Variants in EIF4E observed in about 807,000 individuals in gnomAD.
EIF4E encodes eIF-4F 25 kDa subunit.
For synonymous variants in EIF4E, 71 were observed against 88.5 expected (o/e 0.80, Z 1.11); for missense variants, 113 against 265.6 (o/e 0.43, Z 3.99).
intron 2 of EIF4E, among the ~76,000 whole-genome samples, chr4:98,900,306 T>G (rs1724592449): frequency 6.6e-6 from 1 of 152,190 alleles, no homozygotes; most frequent in Non-Finnish European, 1.5e-5. Flanking sequence ...TGACCTCTGA[T>G]GTCCCACTAG....
At chr4:98,916,252 T>C (rs1211627953) in intron 1 of EIF4E, among the ~76,000 whole-genome samples, 1 of 127,318 alleles carries the variant, frequency 7.9e-6, no homozygotes, top group Non-Finnish European at 1.6e-5. Flanking sequence ...TATATAACAA[T>C]TACAGGAAGC....
intron 1 of EIF4E, among the ~76,000 whole-genome samples, chr4:98,920,280 T>C (rs1178321251): frequency 1.3e-5 from 2 of 152,180 alleles, no homozygotes; most frequent in Non-Finnish European, 2.9e-5. Flanking sequence ...GCATTTTATG[T>C]AATACATGTT....
intron 1 of EIF4E, 109 bp downstream of exon 1, chr4:98,928,986 C>T (rs1216551837): frequency 7.0e-6 from 11 of 1,572,254 alleles, no homozygotes; most frequent in South Asian, 5.8e-5. Context: ...GGGGAAGGGG[C>T]GGCAAGGGGT....
At chr4:98,928,929 C>T in intron 1 of EIF4E, 166 bp downstream of exon 1, 1 of 1,574,524 alleles carries the variant, frequency 6.4e-7, no homozygotes, top group South Asian at 1.2e-5. Flanking sequence ...CTCGGCCATC[C>T]TCCGGGACGT....
At chr4:98,883,393 AT>A (rs11408890) in intron 6 of EIF4E, among the ~76,000 whole-genome samples, 4 of 103,872 alleles carry the variant, frequency 3.9e-5, no homozygotes, top group African/African-American at 7.1e-5. Flanking sequence ...TGTAAGTCAA[AT>A]TTTTTTTTTT....
chr4:98,925,633 C>G (rs1348599125), intron 1 of EIF4E, among the ~76,000 whole-genome samples: 1 of 152,124 alleles, frequency 6.6e-6, no homozygotes, highest in African/African-American at 2.4e-5. Context: ...GAAAACCACA[C>G]AATAATATCA....
intron 1 of EIF4E, among the ~76,000 whole-genome samples, chr4:98,919,106 A>T (rs1170409571): frequency 6.6e-6 from 1 of 152,146 alleles, no homozygotes; most frequent in African/African-American, 2.4e-5. Context: ...CAAGAGATCA[A>T]GACCATCCTA....
At chr4:98,897,937 T>C (rs1192654894) in intron 2 of EIF4E, among the ~76,000 whole-genome samples, 1 of 152,212 alleles carries the variant, frequency 6.6e-6, no homozygotes, top group Non-Finnish European at 1.5e-5. Context: ...AAATAAGCAG[T>C]GTATGATGTT....
At chr4:98,881,428 T>A (rs1024319694) in intron 6 of EIF4E, among the ~76,000 whole-genome samples, 1 of 143,394 alleles carries the variant, frequency 7.0e-6, no homozygotes. Flanking sequence ...TATGATACTA[T>A]AATTATTACT....
At position 98,928,656 on chromosome 4, in the gene EIF4E, A is replaced by G. The variant is rs1284680426; in HGVS notation, c.18+439T>C. On this transcript the variant is annotated intron_variant, in intron 1 of 6. Coordinates refer to ENST00000450253, the MANE Select transcript of EIF4E (RefSeq NM_001968.5). ...CGGAGCTGGGGTTCTGCAGGGAGGG[A>G]AAGGCTGCTCCAGGGCTCCCTCCTC... 2.6e-5 allele frequency among the ~76,000 whole-genome samples: 4 copies of G among 151,708 alleles called. No homozygotes were observed. In the East Asian group the frequency reaches 7.8e-4, roughly 30 times the overall value.
chr4:98,903,564 A>G, intron 1 of EIF4E: 6 of 437,898 alleles, frequency 1.4e-5, no homozygotes, highest in Non-Finnish European at 2.3e-5. Context: ...GGCTGGTCTC[A>G]AACTCCTGAG....
At position 98,891,226 on chromosome 4, in the gene EIF4E, T is replaced by C. The variant is rs1724128977; in HGVS notation, c.221+11A>G. 3.1e-6 allele frequency: 5 copies of C among 1,613,562 alleles called. No homozygotes were observed. In the Admixed American group the frequency reaches 8.3e-5, roughly 27 times the overall value. On this transcript the variant is annotated intron_variant, in intron 3 of 6. Coordinates refer to ENST00000450253, the MANE Select transcript of EIF4E (RefSeq NM_001968.5). ...AAAACAACAAACATACTAAAACAAA[T>C]GGTTACTTACGCCCAAAAGTCTTCA...
At chr4:98,884,877 C>T (rs1560633335) in intron 6 of EIF4E, 45 bp downstream of exon 6, 2 of 1,607,718 alleles carry the variant, frequency 1.2e-6, no homozygotes, top group Non-Finnish European at 1.7e-6. Flanking sequence ...TCTGGTTTTA[C>T]TCATCTTAAT....
intron 1 of EIF4E, among the ~76,000 whole-genome samples, chr4:98,926,804 C>A (rs1464441857): frequency 6.6e-6 from 1 of 152,186 alleles, no homozygotes; most frequent in Admixed American, 6.5e-5. Flanking sequence ...TCCTAAAGAA[C>A]ACTTGGTACA....
intron 6 of EIF4E, among the ~76,000 whole-genome samples, chr4:98,884,708 T>C (rs1244451945): frequency 6.6e-6 from 1 of 151,056 alleles, no homozygotes; most frequent in East Asian, 1.9e-4. Context: ...ACTCTATCTC[T>C]AAATAAATAA....
chr4:98,893,375 A>G (rs1724238518), intron 2 of EIF4E, among the ~76,000 whole-genome samples: 1 of 152,232 alleles, frequency 6.6e-6, no homozygotes, highest in Non-Finnish European at 1.5e-5. Flanking sequence ...ATTTCTCTGT[A>G]GCATGCAATG....
intron 1 of EIF4E, among the ~76,000 whole-genome samples, chr4:98,925,080 C>G (rs535210738): frequency 6.6e-6 from 1 of 152,166 alleles, no homozygotes; most frequent in South Asian, 2.1e-4. Context: ...AAATATTTGT[C>G]AATATGTATA....
At chr4:98,920,306 CTTTTTTT>C (rs958184205) in intron 1 of EIF4E, among the ~76,000 whole-genome samples, 2 of 145,416 alleles carry the variant, frequency 1.4e-5, no homozygotes, top group African/African-American at 5.0e-5. Flanking sequence ...ATTCTTTTTT[CTTTTTTT>C]TTTTTGAGAC....
At chr4:98,890,710 A>C (rs1452370304) in intron 3 of EIF4E, 1 of 153,710 alleles carries the variant, frequency 6.5e-6, no homozygotes, top group African/African-American at 2.4e-5. Context: ...AATTTCAAAA[A>C]TATTTCAACT....
Sources: allele counts gnomAD v4.1 joint callset (sites outside exome capture counted in the v4.1 genomes callset), GRCh38; gene constraint gnomAD v4.1.1; transcripts MANE v1.5; gene names NCBI Gene and HGNC (gene_info 2026-07-23, HGNC 2026-07-21).